OPCML: variants seen among roughly 807,000 people sequenced by gnomAD.
OPCML encodes the protein opioid-binding protein/cell adhesion molecule.
In OPCML, 13 loss-of-function variants were observed where a neutral mutation model predicts 37.8. That is an observed-to-expected ratio of 0.34 (90% CI 0.22 to 0.55). The LOEUF (loss-of-function observed/expected upper bound fraction) is 0.55. Ranked by LOEUF, OPCML falls within the 20% of genes least tolerant of loss-of-function variation. The pLI is 0.91. For synonymous variants in OPCML, 176 were observed against 168.8 expected, an observed-to-expected ratio of 1.04 and a Z score of -0.33; for missense variants, 341 against 435.6, an observed-to-expected ratio of 0.78 and a Z score of 1.93.
intron 1 of OPCML, among the ~76,000 whole-genome samples, chr11:133,477,096 C>A (rs1350843006): frequency 6.6e-6 from 1 of 152,122 alleles, no homozygotes; most frequent in African/African-American, 2.4e-5. Flanking sequence ...GCCAGCAGTG[C>A]CCCCTGCCCA....
intron 1 of OPCML, among the ~76,000 whole-genome samples, chr11:133,289,439 C>G (rs969694447): frequency 6.6e-6 from 1 of 151,454 alleles, no homozygotes; most frequent in South Asian, 2.1e-4. Context: ...ACTAAAAATA[C>G]AAAAAATTAG....
intron 4 of OPCML, among the ~76,000 whole-genome samples, chr11:132,454,468 C>T (rs1014110551): frequency 1.3e-5 from 2 of 152,200 alleles, no homozygotes; most frequent in African/African-American, 4.8e-5. Flanking sequence ...TCAGGAGGCA[C>T]CAGGCCCTCA....
At chr11:132,666,263 A>G (rs1942210925) in intron 2 of OPCML, among the ~76,000 whole-genome samples, 1 of 152,168 alleles carries the variant, frequency 6.6e-6, no homozygotes, top group Non-Finnish European at 1.5e-5. Flanking sequence ...GAAGCTTCCA[A>G]TCATAGCAGA....
At chr11:132,666,457 C>T (rs573509099) in intron 2 of OPCML, among the ~76,000 whole-genome samples, 2 of 152,236 alleles carry the variant, frequency 1.3e-5, no homozygotes, top group East Asian at 1.9e-4. Flanking sequence ...CTAAACACCC[C>T]CAACCAAGCC....
chr11:133,373,558 G>A (rs1944731906), intron 1 of OPCML, among the ~76,000 whole-genome samples: 1 of 150,500 alleles, frequency 6.6e-6, no homozygotes, highest in Non-Finnish European at 1.5e-5. Context: ...CTGGGAGGTG[G>A]AGGTTGCAGT....
At chr11:133,133,316 C>T (rs1210113859) in intron 1 of OPCML, among the ~76,000 whole-genome samples, 7 of 152,142 alleles carry the variant, frequency 4.6e-5, no homozygotes, top group African/African-American at 1.4e-4. Flanking sequence ...ACTCTGATCC[C>T]ATTTATTCTT....
intron 1 of OPCML, among the ~76,000 whole-genome samples, chr11:133,514,802 G>A (rs1948229865): frequency 1.3e-5 from 2 of 152,140 alleles, no homozygotes. Context: ...TCTCACTCCT[G>A]TGTACCCTCA....
At chr11:133,301,591 T>C (rs995072033) in intron 1 of OPCML, 1 of 152,208 alleles carries the variant, frequency 6.6e-6, no homozygotes, top group African/African-American at 2.4e-5. Flanking sequence ...TTTAAGTCTT[T>C]CTTGGCTTTA....
intron 1 of OPCML, among the ~76,000 whole-genome samples, chr11:133,227,700 T>C (rs926318185): frequency 3.9e-5 from 6 of 152,248 alleles, no homozygotes; most frequent in Admixed American, 3.9e-4. Flanking sequence ...TGTCTGGAAA[T>C]GCAGTGGCCC....
chr11:132,651,883 G>A (rs997624226), intron 3 of OPCML, among the ~76,000 whole-genome samples: 2 of 151,970 alleles, frequency 1.3e-5, no homozygotes, highest in African/African-American at 4.8e-5. Flanking sequence ...TTAGCAAGAG[G>A]AGTTCATTCC....
At chr11:132,430,532 G>T (rs977058050) in intron 7 of OPCML, among the ~76,000 whole-genome samples, 4 of 152,186 alleles carry the variant, frequency 2.6e-5, no homozygotes, top group Non-Finnish European at 4.4e-5. Flanking sequence ...CGCGAGGCAG[G>T]CTGGAGTCAC....
At chr11:133,246,895 A>G (rs1412085779) in intron 1 of OPCML, among the ~76,000 whole-genome samples, 1 of 152,202 alleles carries the variant, frequency 6.6e-6, no homozygotes, top group East Asian at 1.9e-4. Flanking sequence ...GGTTGGTAGT[A>G]GCAGCAATAA....
chr11:133,167,989 A>C (rs7936420), intron 1 of OPCML, among the ~76,000 whole-genome samples: 63,133 of 152,024 alleles, frequency 0.42, 13,676 homozygotes, highest in South Asian at 0.54. Flanking sequence ...TGTTAGGTTC[A>C]TTTATCTTTC....
At chr11:133,237,408 C>T (rs1259405097) in intron 1 of OPCML, among the ~76,000 whole-genome samples, 3 of 152,132 alleles carry the variant, frequency 2.0e-5, no homozygotes, top group Non-Finnish European at 2.9e-5. Flanking sequence ...ATGCTGTGAA[C>T]GGTTAAGTGC....
chr11:133,171,999 G>C (rs1257855470), intron 1 of OPCML, among the ~76,000 whole-genome samples: 1 of 152,184 alleles, frequency 6.6e-6, no homozygotes, highest in Non-Finnish European at 1.5e-5. Flanking sequence ...CATGGAGGCT[G>C]CTTATTTGAA....
At chr11:132,914,150 C>T (rs1944528352) in intron 2 of OPCML, among the ~76,000 whole-genome samples, 1 of 152,216 alleles carries the variant, frequency 6.6e-6, no homozygotes, top group African/African-American at 2.4e-5. Context: ...CACACATTCC[C>T]TGCCGCAAAT....
At chr11:133,530,169 C>T (rs1425736499) in intron 1 of OPCML, among the ~76,000 whole-genome samples, 1 of 152,152 alleles carries the variant, frequency 6.6e-6, no homozygotes, top group Admixed American at 6.5e-5. Flanking sequence ...GCAGGTTCAT[C>T]CTCCTTTCCC....
chr11:132,750,215 G>A (rs1225778618), intron 2 of OPCML, among the ~76,000 whole-genome samples: 1 of 152,126 alleles, frequency 6.6e-6, no homozygotes, highest in Admixed American at 6.6e-5. Flanking sequence ...TAATAGATAT[G>A]TGTCATGGAC....
At chr11:133,472,301 T>A (rs1261596726) in intron 1 of OPCML, among the ~76,000 whole-genome samples, 1 of 152,146 alleles carries the variant, frequency 6.6e-6, no homozygotes, top group African/African-American at 2.4e-5. Context: ...CTGCATTATC[T>A]TCTCGTGATC....
Sources: gnomAD v4.1 joint callset for allele counts (sites outside exome capture counted in the v4.1 genomes callset) on GRCh38, gnomAD v4.1.1 for gene constraint, MANE v1.5 for transcripts, NCBI Gene and HGNC (gene_info 2026-07-23, HGNC 2026-07-21) for gene names.